The following CCDC171 variants were observed in gnomAD, a reference collection of about 807,000 sequenced individuals.
CCDC171 encodes the protein coiled-coil domain containing 171.
In CCDC171, 177 loss-of-function variants were observed where a neutral mutation model predicts 168.2. The ratio of observed to expected loss-of-function variants is 1.05; its 90% CI spans 0.93 to 1.19. The LOEUF is 1.19. Ranked by LOEUF, CCDC171 falls within the 50% of genes most tolerant of loss-of-function variation. CCDC171 has a pLI of 0.00. For missense variants in CCDC171, 1,991 were observed against 1,539.0 expected (o/e 1.29, Z -4.91); for synonymous variants, 687 against 540.8 (o/e 1.27, Z -3.75).
At chr9:15,806,691 G>T (rs1005425557) in intron 21 of CCDC171, among the ~76,000 whole-genome samples, 1 of 151,974 alleles carries the variant, frequency 6.6e-6, no homozygotes, top group Non-Finnish European at 1.5e-5. Context: ...AAAATCTGAT[G>T]ATTATGTGTC....
intron 25 of CCDC171, among the ~76,000 whole-genome samples, chr9:15,961,118 A>G (rs1317783663): frequency 6.6e-6 from 1 of 152,174 alleles, no homozygotes; most frequent in Non-Finnish European, 1.5e-5. Context: ...TAGGAAAGTC[A>G]TTTCTTTCAA....
intron 6 of CCDC171, among the ~76,000 whole-genome samples, chr9:15,619,374 G>A (rs1329797215): frequency 6.6e-6 from 1 of 152,196 alleles, no homozygotes; most frequent in African/African-American, 2.4e-5. Context: ...CTACTTTAGT[G>A]AACACATAAG....
chr9:15,590,815 T>TTCTTTCTTTCTTTCTC (rs2041946513), intron 4 of CCDC171, among the ~76,000 whole-genome samples: 1 of 150,294 alleles, frequency 6.7e-6, no homozygotes, highest in East Asian at 2.0e-4. Context: ...CTTTCTTTCT[T>TTCTTTCTTTCTTTCTC]TCTTTCTTTC....
chr9:16,049,389 C>T (rs1833715533), intron 1 of CCDC171, among the ~76,000 whole-genome samples: 1 of 152,130 alleles, frequency 6.6e-6, no homozygotes, highest in Non-Finnish European at 1.5e-5. Context: ...AGGATGTTTC[C>T]AGAGATTAGT....
intron 23 of CCDC171, among the ~76,000 whole-genome samples, chr9:15,865,351 A>G (rs2061731013): frequency 6.7e-6 from 1 of 149,732 alleles, no homozygotes; most frequent in South Asian, 2.1e-4. Flanking sequence ...ATATATATAC[A>G]CACACACATA....
intron 23 of CCDC171, 39 bp from the exon 24 acceptor site, chr9:15,874,493 G>A (rs769348587): frequency 1.9e-6 from 3 of 1,553,534 alleles, no homozygotes; most frequent in South Asian, 2.5e-5. Flanking sequence ...TAATGTGTCT[G>A]AAGGGGAATT....
intron 21 of CCDC171, among the ~76,000 whole-genome samples, chr9:15,833,543 A>G (rs2060322827): frequency 6.6e-6 from 1 of 152,192 alleles, no homozygotes; most frequent in Non-Finnish European, 1.5e-5. Flanking sequence ...TTGAATTGGT[A>G]ATATGCCAAA....
chr9:15,611,694 C>T (rs2043709759), intron 6 of CCDC171, among the ~76,000 whole-genome samples: 2 of 152,108 alleles, frequency 1.3e-5, no homozygotes. Flanking sequence ...TTGTAAACTC[C>T]TTCCTTTTAC....
chr9:15,766,887 C>G (rs2056753025), intron 18 of CCDC171, among the ~76,000 whole-genome samples: 1 of 152,116 alleles, frequency 6.6e-6, no homozygotes, highest in Non-Finnish European at 1.5e-5. Context: ...GTCTCAAACT[C>G]CCGGCCTCAA....
intron 4 of CCDC171, chr9:15,588,487 C>G (rs1006710989): frequency 6.6e-6 from 2 of 302,824 alleles, no homozygotes; most frequent in African/African-American, 2.3e-5. Context: ...TTTGCCCCTG[C>G]AAAGAAGGGA....
intron 24 of CCDC171, among the ~76,000 whole-genome samples, chr9:15,907,359 C>G (rs1822842861): frequency 6.6e-6 from 1 of 152,172 alleles, no homozygotes; most frequent in African/African-American, 2.4e-5. Context: ...TGCTGCATAT[C>G]TACAACCATC....
rs1456658424 is a variant in CCDC171 at position 15,677,906 on chromosome 9, ATATATATATATATATATAT to A, written c.1077-851_1077-833del. 1.3e-3 allele frequency among the ~76,000 whole-genome samples: 31 copies of A among 23,548 alleles called. 2 individuals carry two copies. The highest frequency in any genetic ancestry group is 1.7e-3 in the Non-Finnish European group (24 of 14,284). 15.4% of individuals were successfully genotyped at this position (23,548 alleles called of 152,430 possible). On this transcript the variant is annotated intron_variant, in intron 9 of 25. Transcript: ENST00000380701. Reference sequence around the variant, plus strand: ...TATATATATATATATATATATATATATATATATATATATATATATAAGAGATGTGGTCTCATTCTGTTAC... The same window carrying A: ...TATATATATATATATATATATATATAAAGAGATGTGGTCTCATTCTGTTAC...
At chr9:15,647,460 TG>T (rs1371420598) in intron 7 of CCDC171, among the ~76,000 whole-genome samples, 2 of 152,082 alleles carry the variant, frequency 1.3e-5, no homozygotes, top group African/African-American at 4.8e-5. Context: ...ATTTAGCAGC[TG>T]GTTTTTTTAA....
At chr9:15,720,624 T>G (rs1035827982) in intron 11 of CCDC171, among the ~76,000 whole-genome samples, 5 of 152,218 alleles carry the variant, frequency 3.3e-5, no homozygotes, top group Non-Finnish European at 5.9e-5. Flanking sequence ...TGTGAATATT[T>G]AAAAACTGAA....
chr9:15,591,412 A>G lies in CCDC171; in HGVS notation c.399A>G (p.Ala133=). Residue 133 remains alanine, a synonymous_variant, in exon 5 of 26, where the codon GCA becomes GCG. Coordinates refer to ENST00000380701, the MANE Select transcript of CCDC171 (RefSeq NM_173550.4). ...CAAAGACAAATGAGACTGAGAAAGC[A>G]TTTCAGACTTCTCAGCAAAAATGGA... ...LQAKTNETEK[A]FQTSQQKWKE... 5 of 1,608,928 alleles carry G rather than the reference A, an allele frequency of 3.1e-6. No individual in the cohort carries two copies. The highest frequency in any genetic ancestry group is 1.7e-4 in the Middle Eastern group (1 of 6,052).
chr9:15,945,680 T>C (rs1330382829), intron 25 of CCDC171, among the ~76,000 whole-genome samples: 7 of 150,654 alleles, frequency 4.6e-5, no homozygotes, highest in Admixed American at 6.7e-5. Flanking sequence ...AATGTCTTCT[T>C]TTGAGTAGTG....
chr9:15,831,164 G>A (rs1231236966), intron 21 of CCDC171, among the ~76,000 whole-genome samples: 2 of 151,732 alleles, frequency 1.3e-5, no homozygotes, highest in Non-Finnish European at 2.9e-5. Flanking sequence ...AGTAGAGACG[G>A]AGTTTCACCA....
chr9:15,650,948 G>A (rs1460025701), intron 7 of CCDC171, among the ~76,000 whole-genome samples: 2 of 151,684 alleles, frequency 1.3e-5, no homozygotes, highest in Non-Finnish European at 2.9e-5. Flanking sequence ...TCTAACTTTA[G>A]GACTTATTCC....
rs548473581 is a variant in CCDC171, at chr9:15,920,076, A to G, written c.3601-194A>G. Among the ~76,000 whole-genome samples the G allele has an allele frequency of 5.3e-5, 8 of 151,850 alleles. No homozygotes were observed. In the East Asian group the frequency reaches 1.5e-3, roughly 29 times the overall value. On this transcript the variant is annotated intron_variant, in intron 24 of 25. Transcript: ENST00000380701. Reference sequence around the variant, plus strand: ...ATAAATACTCTGGAATGAAGTCTCAATTATTTTCTCACAAACTTTCTTAAA... The same window carrying G: ...ATAAATACTCTGGAATGAAGTCTCAGTTATTTTCTCACAAACTTTCTTAAA...
Sources: allele counts gnomAD v4.1 joint callset (sites outside exome capture counted in the v4.1 genomes callset), GRCh38; gene constraint gnomAD v4.1.1; transcripts MANE v1.5; gene names NCBI Gene and HGNC (gene_info 2026-07-23, HGNC 2026-07-21).